The following PRKG1 variants were observed in gnomAD, a reference collection of about 807,000 sequenced individuals.
PRKG1 encodes the protein protein kinase cGMP-dependent 1, also known as cGMP-dependent protein kinase 1.
In PRKG1, 35 loss-of-function variants were observed where a neutral mutation model predicts 88.1. The observed-to-expected ratio is 0.40, with a 90% CI of 0.30 to 0.53. PRKG1 has a LOEUF of 0.53. Among genes scored for constraint, PRKG1 ranks in the 20% least tolerant of loss-of-function variants. The probability of loss-of-function intolerance (pLI) is 0.59; values close to 1 mark genes in which losing one functional copy is unlikely to be tolerated. For missense variants in PRKG1, 540 were observed against 839.8 expected (o/e 0.64, Z 4.41); for synonymous variants, 303 against 292.5 (o/e 1.04, Z -0.37).
chr10:52,152,051 C>T (rs1024360435), intron 8 of PRKG1, among the ~76,000 whole-genome samples: 2 of 152,144 alleles, frequency 1.3e-5, no homozygotes, highest in Non-Finnish European at 2.9e-5. Flanking sequence ...TTCATTTTAA[C>T]TAAGCCTTTG....
At chr10:52,091,357 C>T (rs1003936788) in intron 7 of PRKG1, among the ~76,000 whole-genome samples, 7 of 152,126 alleles carry the variant, frequency 4.6e-5, no homozygotes, top group African/African-American at 1.7e-4. Flanking sequence ...TTAGATCAGA[C>T]CCACTTAGAT....
intron 1 of PRKG1, among the ~76,000 whole-genome samples, chr10:51,056,442 T>G (rs892152726): frequency 2.6e-5 from 4 of 152,212 alleles, no homozygotes; most frequent in Non-Finnish European, 5.9e-5. Flanking sequence ...GCTTGTTTAT[T>G]ATAAGAACAA....
chr10:52,280,655 A>G (rs1841984293), intron 12 of PRKG1, 134 bp from the exon 13 acceptor site: 5 of 912,642 alleles, frequency 5.5e-6, no homozygotes, highest in Non-Finnish European at 8.2e-6. Flanking sequence ...CAATCATGTA[A>G]CATTTAGCTA....
At chr10:51,961,909 A>G (rs1455548467) in intron 5 of PRKG1, among the ~76,000 whole-genome samples, 4 of 152,198 alleles carry the variant, frequency 2.6e-5, no homozygotes, top group Non-Finnish European at 5.9e-5. Flanking sequence ...TATCCACGTC[A>G]GGAAAGACAA....
intron 2 of PRKG1, among the ~76,000 whole-genome samples, chr10:51,413,309 G>A (rs939392683): frequency 1.3e-5 from 2 of 151,784 alleles, no homozygotes; most frequent in African/African-American, 4.8e-5. Flanking sequence ...TATAACTTAA[G>A]CCCTTATTAG....
At chr10:51,064,050 A>T (rs1843721756) in intron 1 of PRKG1, among the ~76,000 whole-genome samples, 1 of 152,136 alleles carries the variant, frequency 6.6e-6, no homozygotes, top group Admixed American at 6.5e-5. Flanking sequence ...TACTTTTAAA[A>T]AATGAAACAT....
intron 5 of PRKG1, among the ~76,000 whole-genome samples, chr10:51,949,017 A>G (rs1193145865): frequency 6.6e-6 from 1 of 152,154 alleles, no homozygotes; most frequent in African/African-American, 2.4e-5. Flanking sequence ...TGTCAACTAC[A>G]TGATTTTCAT....
intron 2 of PRKG1, among the ~76,000 whole-genome samples, chr10:51,402,646 T>C (rs1837783015): frequency 6.6e-6 from 1 of 152,194 alleles, no homozygotes; most frequent in South Asian, 2.1e-4. Flanking sequence ...ATAAGGGCTG[T>C]CAGATCAATA....
At chr10:51,721,220 A>G (rs10823460) in intron 3 of PRKG1, among the ~76,000 whole-genome samples, 4 of 91,756 alleles carry the variant, frequency 4.4e-5, no homozygotes, top group South Asian at 3.1e-4. Flanking sequence ...ATTAAAAAAA[A>G]AAAAAAAAAA....
chr10:51,103,729 T>C (rs555895755), intron 1 of PRKG1, among the ~76,000 whole-genome samples: 30 of 152,290 alleles, frequency 2.0e-4, no homozygotes, highest in African/African-American at 6.7e-4. Context: ...CTCCTGATCC[T>C]GACTGAAGCA....
At chr10:51,808,361 C>T (rs1481205687) in intron 4 of PRKG1, among the ~76,000 whole-genome samples, 1 of 152,006 alleles carries the variant, frequency 6.6e-6, no homozygotes, top group Admixed American at 6.6e-5. Flanking sequence ...CTTTGAGATG[C>T]CAAAGTGGGC....
chr10:52,204,103 A>ATTT (rs757367422), intron 9 of PRKG1, among the ~76,000 whole-genome samples: 5 of 70,830 alleles, frequency 7.1e-5, no homozygotes, highest in African/African-American at 1.8e-4. Context: ...TATTATTATT[A>ATTT]TTATTTTTTG....
In PRKG1 at chr10:51,137,959, G is replaced by C. The variant is rs542740272; in HGVS notation, c.312-15205G>C. 5.3e-5 allele frequency among the ~76,000 whole-genome samples: 8 copies of C among 152,304 alleles called. No homozygotes were observed. The South Asian group carries it at 1.7e-3, about 32-fold the overall frequency. On this transcript the variant is annotated intron_variant, in intron 1 of 17. Transcript: ENST00000373980. The stretch of plus-strand genomic sequence containing the variant: ...TGAATTTTGCTAGACATGTGACTGG[G>C]GATAATAATAAGCTGAAAGTTACTT...
At chr10:51,814,974 A>C (rs1839548689) in intron 4 of PRKG1, among the ~76,000 whole-genome samples, 1 of 152,166 alleles carries the variant, frequency 6.6e-6, no homozygotes, top group South Asian at 2.1e-4. Flanking sequence ...TGAATCTCAC[A>C]CAGATAAGTC....
chr10:51,388,818 T>A (rs551598136), intron 2 of PRKG1, among the ~76,000 whole-genome samples: 1 of 152,360 alleles, frequency 6.6e-6, no homozygotes, highest in South Asian at 2.1e-4. Flanking sequence ...CAAGGTGGTC[T>A]GGTTAAAAGG....
chr10:52,286,674 C>T (rs1842123628), intron 14 of PRKG1, among the ~76,000 whole-genome samples: 1 of 151,680 alleles, frequency 6.6e-6, no homozygotes, highest in Admixed American at 6.6e-5. Context: ...AGTAATCTTA[C>T]ATATATTTTA....
At chr10:51,608,404 AGTCATGG>A (rs201913458) in intron 3 of PRKG1, among the ~76,000 whole-genome samples, 1,564 of 152,318 alleles carry the variant, frequency 0.01, 29 homozygotes, top group African/African-American at 0.035. Context: ...TGCAATTTGA[AGTCATGG>A]GACAGGGAGT....
At chr10:51,228,318 G>T (rs1838746820) in intron 2 of PRKG1, among the ~76,000 whole-genome samples, 1 of 152,176 alleles carries the variant, frequency 6.6e-6, no homozygotes, top group African/African-American at 2.4e-5. Flanking sequence ...GCAAGTGACA[G>T]GTCTCTTTTC....
At chr10:51,481,065 A>G (rs1840341087) in intron 3 of PRKG1, among the ~76,000 whole-genome samples, 1 of 152,124 alleles carries the variant, frequency 6.6e-6, no homozygotes, top group Admixed American at 6.6e-5. Flanking sequence ...AGTAGAATTA[A>G]TCTATCTTTC....
Sources: allele counts gnomAD v4.1 joint callset (sites outside exome capture counted in the v4.1 genomes callset), GRCh38; gene constraint gnomAD v4.1.1; transcripts MANE v1.5; gene names NCBI Gene and HGNC (gene_info 2026-07-23, HGNC 2026-07-21).